Variants in GAL3ST1 observed in about 807,000 individuals in gnomAD.
GAL3ST1 encodes galactosylceramide sulfotransferase.
In GAL3ST1, 13 loss-of-function variants were observed where a neutral mutation model predicts 25.0. The observed-to-expected ratio is 0.52, with a 90% CI of 0.34 to 0.83. The LOEUF is 0.83. Among genes scored for constraint, GAL3ST1 ranks in the 40% least tolerant of loss-of-function variants. The pLI, the probability that GAL3ST1 is intolerant of heterozygous loss-of-function variation, is 0.02. For synonymous variants in GAL3ST1, 274 were observed against 277.8 expected, an observed-to-expected ratio of 0.99 and a Z score of 0.14; for missense variants, 474 against 613.6, an observed-to-expected ratio of 0.77 and a Z score of 2.40.
chr22:30,564,043 A>G (rs1481887869), intron 1 of GAL3ST1, among the ~76,000 whole-genome samples: 3 of 152,346 alleles, frequency 2.0e-5, no homozygotes, highest in Admixed American at 2.0e-4. Context: ...CATATATTTC[A>G]AAATCTGAAA....
rs563341451 is a variant in GAL3ST1 at position 30,566,831 on chromosome 22, G to C, written c.-120+7635C>G. On this transcript the variant is annotated intron_variant, in intron 1 of 3. Coordinates refer to ENST00000406361, the MANE Select transcript of GAL3ST1 (RefSeq NM_001318104.2). ...TCACCGTGTTAGCCAGGATGGTCTC[G>C]ATCTCCTGACCTCATGATCTGCCCA... Among the ~76,000 whole-genome samples the C allele has an allele frequency of 1.7e-4, 26 of 152,208 alleles. No individual in the cohort carries two copies. In the South Asian group the frequency reaches 3.3e-3, roughly 19 times the overall value.
At chr22:30,571,602 G>A (rs1302346491) in intron 1 of GAL3ST1, among the ~76,000 whole-genome samples, 4 of 152,096 alleles carry the variant, frequency 2.6e-5, no homozygotes, top group African/African-American at 9.7e-5. Flanking sequence ...AGTGGCTCAC[G>A]CCTGTAATCC....
At chr22:30,572,402 G>A (rs1351749387) in intron 1 of GAL3ST1, among the ~76,000 whole-genome samples, 5 of 152,122 alleles carry the variant, frequency 3.3e-5, no homozygotes, top group African/African-American at 1.2e-4. Context: ...CCCCAAGCTG[G>A]GTGACCTTGG....
At chr22:30,569,177 G>A (rs923713148) in intron 1 of GAL3ST1, among the ~76,000 whole-genome samples, 3 of 152,092 alleles carry the variant, frequency 2.0e-5, no homozygotes, top group Non-Finnish European at 4.4e-5. Flanking sequence ...ACCCACAGGA[G>A]GGTCTTCAGC....
rs200288264 is a variant in GAL3ST1 at position 30,555,969 on chromosome 22, T to C, written c.256A>G (p.Thr86Ala). 59 of 1,613,756 alleles carry C rather than the reference T, an allele frequency of 3.7e-5. No individual in the cohort carries two copies. The East Asian group carries it at 1.0e-3, about 29-fold the overall frequency. ...ATGTTGAGCAGGGTGCTGCTGGCCG[T>C]CTTGTGCGTCTTCAAGAACACGATG... ...RNIVFLKTHKTASSTLLNILF... is the reference protein window; with the variant it reads ...RNIVFLKTHKAASSTLLNILF... The change falls in exon 4 of 4, where the codon ACG becomes GCG. Residue 86 changes from threonine (T) to alanine (A), a missense_variant. Physicochemically the swap from Thr to Ala is moderately conservative, Grantham distance 58 (BLOSUM62 0). Transcript: ENST00000406361. This position sits in a 1 kb window ranked among gnomAD's most constrained non-coding sequence, Gnocchi z 8.6.
In GAL3ST1 at chr22:30,555,853, G is replaced by C. The variant is rs758301790; in HGVS notation, c.372C>G (p.Ser124Arg). Residue 124 changes from serine to arginine, a missense_variant, in exon 4 of 4, where the codon AGC (serine) becomes AGG (arginine). By Grantham distance (110) the Ser-to-Arg change is moderately radical (BLOSUM62 -1). Around this residue, in one of 2 missense-constraint regions of GAL3ST1, gnomAD observed 359 missense variants for 504.4 expected, o/e 0.71. Transcript: ENST00000406361. This position sits in a 1 kb window ranked among gnomAD's most constrained non-coding sequence, Gnocchi z 8.6. ...CCCCGGGCCGATAGTCCTGCACCAG[G>C]CTGCGGGCGAAGAAGGTCGGGTAGT... The part of the protein sequence containing the change: ...DFDYPTFFAR[S>R]LVQDYRPGAC... The C allele has an allele frequency of 1.7e-5, 27 of 1,614,216 alleles. No individual in the cohort carries two copies. The highest frequency in any genetic ancestry group is 2.3e-5 in the Non-Finnish European group (27 of 1,180,034).
chr22:30,573,195 G>T (rs934831062), intron 1 of GAL3ST1, among the ~76,000 whole-genome samples: 20 of 152,190 alleles, frequency 1.3e-4, no homozygotes, highest in Non-Finnish European at 2.9e-4. Context: ...AGGCGAGGGG[G>T]GGTGTCCAGA....
rs568234879 is a variant in GAL3ST1, at chr22:30,571,717, A to G, written c.-120+2749T>C. ...TCTCTACTAAAATTATAAAAAAATT[A>G]GCCAGGCTTGGTGGTGGGCGCCTAT... is the stretch of plus-strand genomic sequence containing the variant. On this transcript the variant is annotated intron_variant, in intron 1 of 3. Transcript: ENST00000406361. 1.2e-3 allele frequency among the ~76,000 whole-genome samples: 187 copies of G among 152,272 alleles called. 1 individual carries two copies. The highest frequency in any genetic ancestry group is 4.1e-3 in the African/African-American group (169 of 41,562).
In GAL3ST1 at chr22:30,555,871, C is replaced by T. The variant is rs756795680; in HGVS notation, c.354G>A (p.Pro118=). The part of the protein sequence containing the change: ...FPNGRNDFDY[P]TFFARSLVQD... ...GCACCAGGCTGCGGGCGAAGAAGGT[C>T]GGGTAGTCGAAGTCATTGCGGCCGT... The change falls in exon 4 of 4, where the codon CCG becomes CCA. Residue 118 remains proline, a synonymous_variant. Transcript: ENST00000406361. This position sits in a 1 kb window ranked among gnomAD's most constrained non-coding sequence, Gnocchi z 8.6. 23 of 1,614,012 alleles carry T rather than the reference C, an allele frequency of 1.4e-5. No homozygotes were observed. In the East Asian group the frequency reaches 2.9e-4, roughly 20 times the overall value.
chr22:30,563,662 C>T (rs1303828415), intron 1 of GAL3ST1, among the ~76,000 whole-genome samples: 2 of 151,368 alleles, frequency 1.3e-5, no homozygotes, highest in Admixed American at 1.3e-4. Flanking sequence ...GCCTGTAATC[C>T]CAGCTCTTTG....
intron 1 of GAL3ST1, among the ~76,000 whole-genome samples, chr22:30,568,210 G>A (rs118121993): frequency 0.012 from 1,900 of 152,286 alleles, 18 homozygotes; most frequent in Non-Finnish European, 0.017. Flanking sequence ...AGCAGTATCA[G>A]GAAGGCTTCC....
At chr22:30,556,415 T>C (rs1218034194) in intron 3 of GAL3ST1, among the ~76,000 whole-genome samples, 1 of 152,098 alleles carries the variant, frequency 6.6e-6, no homozygotes, top group African/African-American at 2.4e-5. Flanking sequence ...GAAACTGCCA[T>C]TTTATAGGAC....
At chr22:30,569,919 T>TA (rs1182303409) in intron 1 of GAL3ST1, among the ~76,000 whole-genome samples, 1 of 151,914 alleles carries the variant, frequency 6.6e-6, no homozygotes, top group Non-Finnish European at 1.5e-5. Context: ...CCCATCTGTA[T>TA]AAAAAATTTA....
At chr22:30,565,202 C>G (rs1569007744) in intron 1 of GAL3ST1, 1 of 152,432 alleles carries the variant, frequency 6.6e-6, no homozygotes, top group East Asian at 1.9e-4. Context: ...GGCTCTAAGG[C>G]TGAGTGAGGG....
chr22:30,555,781 C>T lies in GAL3ST1; in HGVS notation c.444G>A (p.Glu148=), dbSNP rs769094588. Residue 148 remains glutamate (E), a synonymous_variant, in exon 4 of 4, where the codon GAG becomes GAA. Coordinates refer to ENST00000406361, the MANE Select transcript of GAL3ST1 (RefSeq NM_001318104.2). This position sits in a 1 kb window ranked among gnomAD's most constrained non-coding sequence, Gnocchi z 8.6. ...ICNHMRFHYD[E]VRGLVPTNAI... is the part of the protein sequence containing the mutation. ...CGTTGGTCGGCACCAGGCCGCGCAC[C>T]TCGTCGTAGTGGAAGCGCATGTGGT... 1.9e-6 allele frequency: 3 copies of T among 1,614,146 alleles called. No homozygotes were observed. In the East Asian group the frequency reaches 6.7e-5, roughly 36 times the overall value.
chr22:30,557,893 A>C (rs2086137262), intron 2 of GAL3ST1, among the ~76,000 whole-genome samples: 1 of 151,372 alleles, frequency 6.6e-6, no homozygotes, highest in African/African-American at 2.4e-5. Context: ...ATTCTCCCAG[A>C]TCCTGAAGTT....
At position 30,574,624 on chromosome 22, in the gene GAL3ST1, C is replaced by G. The variant is rs1199971036; in HGVS notation, c.-278G>C. On this transcript the variant is annotated 5_prime_UTR_variant, in exon 1 of 4. Coordinates refer to ENST00000406361, the MANE Select transcript of GAL3ST1 (RefSeq NM_001318104.2). ...CCGCCGCTGCCGCGCCGCGCCCGCTCCCGCGCCGCGCCCGCTCCCGGCCAG... is the reference window on the plus strand; with the variant it reads ...CCGCCGCTGCCGCGCCGCGCCCGCTGCCGCGCCGCGCCCGCTCCCGGCCAG... 7 of 144,224 alleles carry G rather than the reference C, an allele frequency of 4.9e-5. No homozygotes were observed. The highest frequency in any genetic ancestry group is 1.4e-4 in the Admixed American group (2 of 14,576). The allele number at this position is 144,224 out of a possible 1,614,324, so 8.9% of individuals were successfully genotyped here.
intron 1 of GAL3ST1, among the ~76,000 whole-genome samples, chr22:30,561,879 T>A (rs1441267826): frequency 6.6e-6 from 1 of 152,108 alleles, no homozygotes; most frequent in Non-Finnish European, 1.5e-5. Flanking sequence ...GCTATGAACC[T>A]CACCCTCCCT....
Position 30,555,933 on chromosome 22 carries a change from A to G in GAL3ST1, c.292T>C (p.Phe98Leu), listed in dbSNP as rs2085991064. 1 of 1,614,034 alleles carries G rather than the reference A, an allele frequency of 6.2e-7. No homozygotes were observed. Among genetic ancestry groups the G allele is most frequent in the Non-Finnish European group, 8.5e-7 (1 of 1,180,022 alleles). Residue 98 changes from phenylalanine (F) to leucine (L), a missense_variant, in exon 4 of 4, where the codon TTC (phenylalanine) becomes CTC (leucine). By Grantham distance (22) the Phe-to-Leu change is conservative. Around this residue, in one of 2 missense-constraint regions of GAL3ST1, gnomAD observed 359 missense variants for 504.4 expected, o/e 0.71. Coordinates refer to ENST00000406361, the MANE Select transcript of GAL3ST1 (RefSeq NM_001318104.2). The surrounding 1 kb of genome is among the most constrained non-coding windows in gnomAD (Gnocchi z 8.6). ...AACTTGAGCCGGTGCTTCTGGCCGA[A>G]GCGGAACAGGATGTTGAGCAGGGTG... is the stretch of plus-strand genomic sequence containing the variant. ...SSTLLNILFR[F>L]GQKHRLKFAF...
Sources: allele counts gnomAD v4.1 joint callset (sites outside exome capture counted in the v4.1 genomes callset), GRCh38; gene constraint gnomAD v4.1.1; regional missense constraint gnomAD v4.1.1; non-coding constraint Gnocchi (gnomAD v3.1); transcripts MANE v1.5; gene names NCBI Gene and HGNC (gene_info 2026-07-23, HGNC 2026-07-21).